The following RAB11FIP1 variants were observed in gnomAD, a reference collection of about 807,000 sequenced individuals.
RAB11FIP1 encodes RAB11 family interacting protein 1, also known as rab11 family-interacting protein 1.
A neutral mutation model predicts 83.1 loss-of-function variants in RAB11FIP1; 49 were observed. The observed-to-expected ratio is 0.59, with a 90% confidence interval of 0.47 to 0.75. The LOEUF is 0.75. RAB11FIP1 is among the 30% of genes least tolerant of loss of function. RAB11FIP1 has a pLI of 0.00. For missense variants in RAB11FIP1, 1,536 were observed against 1,598.7 expected (o/e 0.96, Z 0.67); for synonymous variants, 670 against 656.0 (o/e 1.02, Z -0.33).
At chr8:37,886,571 G>A (rs895526595) in intron 1 of RAB11FIP1, among the ~76,000 whole-genome samples, 2 of 152,156 alleles carry the variant, frequency 1.3e-5, no homozygotes, top group African/African-American at 4.8e-5. Flanking sequence ...GGTTCGGTGA[G>A]GACTGCCTAC....
rs1216682098 is a variant in RAB11FIP1, at chr8:37,860,085, G to C, written c.*2810C>G. The C allele has an allele frequency of 2.0e-5, 3 of 152,678 alleles. No individual in the cohort carries two copies. The highest frequency in any genetic ancestry group is 4.4e-5 in the Non-Finnish European group (3 of 68,134). The allele number at this position is 152,678 out of a possible 1,614,324, so 9.5% of individuals were successfully genotyped here. A position where few individuals can be genotyped will look rare whatever the true frequency, so the allele number is the denominator to read the frequency against. On this transcript the variant is annotated 3_prime_UTR_variant, in exon 6 of 6. Coordinates refer to ENST00000330843, the MANE Select transcript of RAB11FIP1 (RefSeq NM_001002814.3). Reference sequence around the variant, plus strand: ...CTTCATTGTCCAGAGCTACCAAGTGGCATTTCAGAGCACAGGAATTTACTC... The same window carrying C: ...CTTCATTGTCCAGAGCTACCAAGTGCCATTTCAGAGCACAGGAATTTACTC...
At chr8:37,885,516 T>C (rs1389776440) in intron 1 of RAB11FIP1, among the ~76,000 whole-genome samples, 1 of 152,070 alleles carries the variant, frequency 6.6e-6, no homozygotes, top group African/African-American at 2.4e-5. Flanking sequence ...TACCCTGCAG[T>C]TTTTGTTTTT....
intron 5 of RAB11FIP1, among the ~76,000 whole-genome samples, chr8:37,867,699 A>G (rs1806368141): frequency 6.6e-6 from 1 of 151,098 alleles, no homozygotes; most frequent in South Asian, 2.1e-4. Flanking sequence ...CAGAGCGAAA[A>G]TCCATCAAAA....
At position 37,870,544 on chromosome 8, in the gene RAB11FIP1, A is replaced by G; in HGVS notation, c.3525-16T>C. 3.5e-6 allele frequency: 5 copies of G among 1,410,806 alleles called. No individual in the cohort carries two copies. The South Asian group carries it at 5.8e-5, about 16-fold the overall frequency. 87.4% of individuals were successfully genotyped at this position (1,410,806 alleles called of 1,614,324 possible). A position where few individuals can be genotyped will look rare whatever the true frequency, so the allele number is the denominator to read the frequency against. On this transcript the variant is annotated splice_polypyrimidine_tract_variant and intron_variant, in intron 4 of 5. Transcript: ENST00000330843. ...AGGATGAAGTCTAAAGAGAAGGGGAAAAGGATCTTTAGACCCTCCGGTCAT... is the reference window on the plus strand; with the variant it reads ...AGGATGAAGTCTAAAGAGAAGGGGAGAAGGATCTTTAGACCCTCCGGTCAT...
In RAB11FIP1 at chr8:37,872,890, T is replaced by C. The variant is rs752742426; in HGVS notation, c.1912A>G (p.Thr638Ala). 2 of 1,614,208 alleles carry C rather than the reference T, an allele frequency of 1.2e-6. No homozygotes were observed. The highest frequency in any genetic ancestry group is 1.1e-5 in the South Asian group (1 of 91,086). Residue 638 changes from threonine (T) to alanine (A), a missense_variant, in exon 4 of 6, where the codon ACT becomes GCT. Thr to Ala is a moderately conservative substitution (Grantham distance 58, BLOSUM62 0). Transcript: ENST00000330843. ...PPLLPKAELQ[T>A]ESLTPVPNSG... ...TTTGGAACCGGTGTTAAACTCTCAG[T>C]TTGCAACTCTGCCTTAGGGAGCAAG...
chr8:37,871,533 G>A lies in RAB11FIP1; in HGVS notation c.3269C>T (p.Ser1090Phe). ...GGGGCTGGGTACAGGATTGTCCAGG[G>A]ATGTGCCAGGAGGCGGGCTTGGACT... Reference protein sequence around the residue: ...NGSPSPPPGTSLDNPVPSPSP... With the variant: ...NGSPSPPPGTFLDNPVPSPSP... Residue 1090 changes from serine (S) to phenylalanine (F), a missense_variant, in exon 4 of 6, where the codon TCC becomes TTC. Physicochemically the swap from Ser to Phe is radical, Grantham distance 155. Transcript: ENST00000330843. 5.0e-6 allele frequency: 8 copies of A among 1,605,244 alleles called. No individual in the cohort carries two copies. Among genetic ancestry groups the A allele is most frequent in the Non-Finnish European group, 6.0e-6 (7 of 1,174,526 alleles).
At chr8:37,880,756 C>T (rs1806719209) in intron 1 of RAB11FIP1, among the ~76,000 whole-genome samples, 1 of 148,148 alleles carries the variant, frequency 6.8e-6, no homozygotes, top group Admixed American at 6.7e-5. Flanking sequence ...AGAGTGAGAC[C>T]CTATCCCTTT....
At chr8:37,890,773 CAAA>C (rs35503716) in intron 1 of RAB11FIP1, among the ~76,000 whole-genome samples, 2 of 77,806 alleles carry the variant, frequency 2.6e-5, no homozygotes, top group Admixed American at 2.7e-4. Flanking sequence ...AAAATTCTGC[CAAA>C]AAAAAAAAAA....
intron 1 of RAB11FIP1, among the ~76,000 whole-genome samples, chr8:37,896,553 T>C (rs757507528): frequency 6.6e-6 from 1 of 152,104 alleles, no homozygotes; most frequent in Non-Finnish European, 1.5e-5. Context: ...GACTAGGTGG[T>C]AATCGGTTCA....
chr8:37,892,583 AT>A (rs1806971008), intron 1 of RAB11FIP1, among the ~76,000 whole-genome samples: 1 of 151,694 alleles, frequency 6.6e-6, no homozygotes, highest in Non-Finnish European at 1.5e-5. Flanking sequence ...GCCTCCTGGG[AT>A]TACAGGCACC....
intron 1 of RAB11FIP1, among the ~76,000 whole-genome samples, chr8:37,887,018 AGC>A (rs1438188496): frequency 6.6e-6 from 1 of 152,194 alleles, no homozygotes. Context: ...TGAAGAAGGT[AGC>A]TAGTCATCAT....
chr8:37,887,172 TC>T (rs1806849946), intron 1 of RAB11FIP1, among the ~76,000 whole-genome samples: 1 of 152,054 alleles, frequency 6.6e-6, no homozygotes, highest in African/African-American at 2.4e-5. Context: ...TGACCTTAAT[TC>T]CCAAAACAGC....
intron 1 of RAB11FIP1, among the ~76,000 whole-genome samples, chr8:37,892,130 T>C (rs1236957662): frequency 1.3e-5 from 2 of 152,176 alleles, no homozygotes; most frequent in African/African-American, 4.8e-5. Flanking sequence ...TGATTTTATG[T>C]GTTCATTCTT....
Position 37,862,777 on chromosome 8 carries a change from G to A in RAB11FIP1, c.*118C>T. ...AGAATTCACTCTTGCCGGATAACATGTGAGGGAGATGGTGATTCGGAGCCT... is the reference window on the plus strand; with the variant it reads ...AGAATTCACTCTTGCCGGATAACATATGAGGGAGATGGTGATTCGGAGCCT... On this transcript the variant is annotated 3_prime_UTR_variant, in exon 6 of 6. Transcript: ENST00000330843. 1.4e-6 allele frequency: 1 copy of A among 726,540 alleles called. No homozygotes were observed. The highest frequency in any genetic ancestry group is 2.4e-6 in the Non-Finnish European group (1 of 424,330). The allele number at this position is 726,540 out of a possible 1,614,324, so 45.0% of individuals were successfully genotyped here.
chr8:37,884,629 A>G (rs1275966038), intron 1 of RAB11FIP1, among the ~76,000 whole-genome samples: 2 of 151,372 alleles, frequency 1.3e-5, no homozygotes, highest in African/African-American at 4.9e-5. Flanking sequence ...GCTTACTGCA[A>G]CCTCCACCTC....
chr8:37,888,711 C>T (rs1563374349), intron 1 of RAB11FIP1, among the ~76,000 whole-genome samples: 1 of 150,876 alleles, frequency 6.6e-6, no homozygotes, highest in Non-Finnish European at 1.5e-5. Context: ...CTCCTGGATT[C>T]AAGTGATCCT....
chr8:37,869,583 C>G (rs955299851), intron 5 of RAB11FIP1, among the ~76,000 whole-genome samples: 1 of 151,792 alleles, frequency 6.6e-6, no homozygotes, highest in Non-Finnish European at 1.5e-5. Flanking sequence ...CAGAGTGAGA[C>G]GCCATCTCAA....
Position 37,861,802 on chromosome 8 carries a change from T to C in RAB11FIP1, c.*1093A>G. ...TGGGGTTTCGCCATGTTGGTCAGGC[T>C]GGTCTCGAACTCCTGACCTCAAGTG... On this transcript the variant is annotated 3_prime_UTR_variant, in exon 6 of 6. Coordinates refer to ENST00000330843, the MANE Select transcript of RAB11FIP1 (RefSeq NM_001002814.3). The C allele has an allele frequency of 3.0e-6, 1 of 333,424 alleles. No individual in the cohort carries two copies. The highest frequency in any genetic ancestry group is 2.3e-5 in the South Asian group (1 of 43,598). The allele number at this position is 333,424 out of a possible 1,614,324, so 20.7% of individuals were successfully genotyped here.
In RAB11FIP1 at chr8:37,872,672, G is replaced by C. The variant is rs764112944; in HGVS notation, c.2130C>G (p.Pro710=). Residue 710 remains proline, a synonymous_variant, in exon 4 of 6, where the codon CCC becomes CCG. Transcript: ENST00000330843. ...GRQEEELPRF[P]CKKQDYSPSS... The stretch of plus-strand genomic sequence containing the variant: ...ATGGGCTGTAGTCTTGTTTTTTGCA[G>C]GGGAATCTCGGAAGTTCTTCCTCTT... The C allele has an allele frequency of 6.2e-7, 1 of 1,614,172 alleles. No homozygotes were observed. Among genetic ancestry groups the C allele is most frequent in the Non-Finnish European group, 8.5e-7 (1 of 1,180,030 alleles).
Sources: allele counts gnomAD v4.1 joint callset (sites outside exome capture counted in the v4.1 genomes callset), GRCh38; gene constraint gnomAD v4.1.1; transcripts MANE v1.5; gene names NCBI Gene and HGNC (gene_info 2026-07-23, HGNC 2026-07-21).